NOL4L: variants seen among roughly 807,000 people sequenced by gnomAD.
NOL4L encodes the protein nucleolar protein 4-like.
Under a neutral mutation model 64.5 loss-of-function variants are expected in NOL4L, and 7 were observed. That is an observed-to-expected ratio of 0.11 (90% CI 0.06 to 0.20). NOL4L has a LOEUF of 0.20. Ranked by LOEUF, NOL4L falls within the 10% of genes least tolerant of loss-of-function variation. The pLI, the probability that NOL4L is intolerant of heterozygous loss-of-function variation, is 1.00. For missense variants in NOL4L, 680 were observed against 967.1 expected (o/e 0.70, Z 3.94); for synonymous variants, 413 against 401.0 (o/e 1.03, Z -0.36).
intron 4 of NOL4L, among the ~76,000 whole-genome samples, chr20:32,478,032 G>A (rs1288507412): frequency 1.3e-5 from 2 of 152,086 alleles, no homozygotes; most frequent in Non-Finnish European, 2.9e-5. Flanking sequence ...GGCCCGCCCC[G>A]CCTGCCCCAA....
intron 4 of NOL4L, among the ~76,000 whole-genome samples, chr20:32,503,333 CACA>C (rs2017000895): frequency 6.6e-6 from 1 of 152,106 alleles, no homozygotes; most frequent in South Asian, 2.1e-4. Flanking sequence ...AGCTCAGCTA[CACA>C]ACAAGAGGAG....
intron 1 of NOL4L, among the ~76,000 whole-genome samples, chr20:32,537,310 C>T (rs2018563167): frequency 6.6e-6 from 1 of 152,118 alleles, no homozygotes; most frequent in African/African-American, 2.4e-5. Context: ...AACCAAGATA[C>T]TGCGCCTCCC....
At chr20:32,533,151 C>T (rs900673530) in intron 1 of NOL4L, among the ~76,000 whole-genome samples, 11 of 152,200 alleles carry the variant, frequency 7.2e-5, no homozygotes, top group African/African-American at 2.4e-4. Context: ...AAAACCTACA[C>T]ATTTATGGAG....
intron 1 of NOL4L, chr20:32,548,943 A>T (rs942880343): frequency 3.1e-6 from 1 of 326,938 alleles, no homozygotes; most frequent in Non-Finnish European, 6.1e-6. Flanking sequence ...CACTGACAGC[A>T]TACAGATTTA....
At chr20:32,452,569 G>T (rs1290511253) in intron 9 of NOL4L, 132 bp from the exon 10 acceptor site, 2 of 892,320 alleles carry the variant, frequency 2.2e-6, no homozygotes, top group Admixed American at 3.0e-5. Flanking sequence ...TGACCTGTGG[G>T]ATTCTGTCTG....
Position 32,488,863 on chromosome 20 carries a change from CTTTCTTTCTTTCT to C in NOL4L, c.700-14134_700-14122del, listed in dbSNP as rs1568649375. ...TCTTTCTTTCTTTCTTTCTTTCTTT[CTTTCTTTCTTTCT>C]TTCTTTCTTTCTTTCTTTCCTCTCT... On this transcript the variant is annotated intron_variant, in intron 4 of 10. Coordinates refer to ENST00000621426, the MANE Select transcript of NOL4L (RefSeq NM_001256798.2). Among the ~76,000 whole-genome samples, 101 of 81,684 alleles carry C rather than the reference CTTTCTTTCTTTCT, an allele frequency of 1.2e-3. 1 individual carries two copies. Among genetic ancestry groups the C allele is most frequent in the African/African-American group, 5.7e-3 (98 of 17,078 alleles). The allele number at this position is 81,684 out of a possible 152,430, so 53.6% of individuals were successfully genotyped here.
At chr20:32,518,164 G>T (rs559824636) in intron 3 of NOL4L, among the ~76,000 whole-genome samples, 1 of 152,342 alleles carries the variant, frequency 6.6e-6, no homozygotes, top group South Asian at 2.1e-4. Flanking sequence ...CTCCCTGCGA[G>T]GAGAAGCTCC....
chr20:32,475,469 G>C, intron 4 of NOL4L: 2 of 339,120 alleles, frequency 5.9e-6, no homozygotes, highest in Non-Finnish European at 8.4e-6. Flanking sequence ...GCCTGCTAGA[G>C]AGGACCACGC....
intron 3 of NOL4L, among the ~76,000 whole-genome samples, chr20:32,512,460 A>T (rs2017451532): frequency 6.6e-6 from 1 of 152,184 alleles, no homozygotes; most frequent in Non-Finnish European, 1.5e-5. Context: ...CCTTCATCAT[A>T]TGCAGAGGAA....
chr20:32,468,760 G>T (rs551714185), intron 5 of NOL4L, among the ~76,000 whole-genome samples: 3 of 151,954 alleles, frequency 2.0e-5, no homozygotes, highest in Non-Finnish European at 4.4e-5. Context: ...TTAGCCAGGC[G>T]TGGTGGTGCA....
Position 32,527,901 on chromosome 20 carries a change from G to GGCCATCTGCCCCCT in NOL4L, c.322-2_333dup (p.Leu112ArgfsTer14), listed in dbSNP as rs2018193151. The GGCCATCTGCCCCCT allele has an allele frequency of 6.5e-7, 1 of 1,550,328 alleles. No individual in the cohort carries two copies. ...AGAGAGATGCCCTCTGGCTCCGACAGGCCATCTGCCCCCTGCGACAGGGTG... is the reference window on the plus strand; with the variant it reads ...AGAGAGATGCCCTCTGGCTCCGACAGGCCATCTGCCCCCTGCCATCTGCCCCCTGCGACAGGGTG... On this transcript the variant is annotated frameshift_variant, in exon 2 of 11. Transcript: ENST00000621426. LOFTEE classifies it high-confidence loss of function.
At chr20:32,557,593 A>G (rs1978745015) in intron 1 of NOL4L, among the ~76,000 whole-genome samples, 1 of 152,198 alleles carries the variant, frequency 6.6e-6, no homozygotes. Flanking sequence ...AAACTCAGAC[A>G]ATGACTAGTT....
chr20:32,576,449 A>G (rs1294748767), intron 1 of NOL4L, among the ~76,000 whole-genome samples: 2 of 152,136 alleles, frequency 1.3e-5, no homozygotes, highest in Non-Finnish European at 2.9e-5. Flanking sequence ...GAGGAAGGGG[A>G]AGGCTGCAGC....
Position 32,520,915 on chromosome 20 carries a change from T to G in NOL4L, c.485A>C (p.Glu162Ala). ...GQKKTYRAIA[E>A]TYAFLPREAV... ...CTCTCTCGGGAGGAAGGCATAGGTCTCTGCGATCTGGAGGAGAGAAGAGCT... is the reference window on the plus strand; with the variant it reads ...CTCTCTCGGGAGGAAGGCATAGGTCGCTGCGATCTGGAGGAGAGAAGAGCT... The change falls in exon 3 of 11, where the codon GAG becomes GCG. Residue 162 changes from glutamate (E) to alanine (A), a missense_variant. Glu to Ala is a moderately radical substitution (Grantham distance 107). Coordinates refer to ENST00000621426, the MANE Select transcript of NOL4L (RefSeq NM_001256798.2). 1 of 1,548,332 alleles carries G rather than the reference T, an allele frequency of 6.5e-7. No individual in the cohort carries two copies. The highest frequency in any genetic ancestry group is 8.7e-7 in the Non-Finnish European group (1 of 1,145,364).
intron 1 of NOL4L, among the ~76,000 whole-genome samples, chr20:32,560,760 G>C (rs1419790850): frequency 6.6e-6 from 1 of 152,254 alleles, no homozygotes; most frequent in African/African-American, 2.4e-5. Context: ...CCAAACCACA[G>C]TTCTATCCTG....
intron 5 of NOL4L, among the ~76,000 whole-genome samples, chr20:32,472,154 G>C (rs935727524): frequency 6.6e-6 from 1 of 152,238 alleles, no homozygotes; most frequent in African/African-American, 2.4e-5. Context: ...CAGAGGCGGA[G>C]CTCCATCTGC....
rs569075761 is a variant in NOL4L, at chr20:32,470,305, G to A, written c.841+4296C>T. On this transcript the variant is annotated intron_variant, in intron 5 of 10. Transcript: ENST00000621426. The stretch of plus-strand genomic sequence containing the variant: ...AACGGAAGGAGTGGCCCCGCCTGCC[G>A]GGTCAGGAACCTGGGCCAGCCCCGG... 2.6e-3 allele frequency among the ~76,000 whole-genome samples: 390 copies of A among 152,342 alleles called. 1 individual carries two copies. The highest frequency in any genetic ancestry group is 8.9e-3 in the African/African-American group (372 of 41,580).
At chr20:32,578,324 G>A (rs1047124324) in intron 1 of NOL4L, among the ~76,000 whole-genome samples, 1 of 152,130 alleles carries the variant, frequency 6.6e-6, no homozygotes, top group African/African-American at 2.4e-5. Context: ...ACTGGCCCTG[G>A]TGGGTGCTGT....
intron 1 of NOL4L, among the ~76,000 whole-genome samples, chr20:32,537,359 T>C (rs2018564416): frequency 6.6e-6 from 1 of 152,144 alleles, no homozygotes; most frequent in African/African-American, 2.4e-5. Context: ...CTCCGGGGCC[T>C]CCTAACCGTC....
Sources: allele counts gnomAD v4.1 joint callset (sites outside exome capture counted in the v4.1 genomes callset), GRCh38; gene constraint gnomAD v4.1.1; transcripts MANE v1.5; gene names NCBI Gene and HGNC (gene_info 2026-07-23, HGNC 2026-07-21).